PPP2R2A: variants seen among roughly 807,000 people sequenced by gnomAD.
The protein encoded by PPP2R2A is serine/threonine-protein phosphatase 2A 55 kDa regulatory subunit B alpha isoform.
Under a neutral mutation model 53.2 loss-of-function variants are expected in PPP2R2A, and 9 were observed. The ratio of observed to expected loss-of-function variants is 0.17; its 90% CI spans 0.10 to 0.30. The LOEUF is 0.30. Among genes scored for constraint, PPP2R2A ranks in the 10% least tolerant of loss-of-function variants. The pLI, the probability that PPP2R2A is intolerant of heterozygous loss-of-function variation, is 1.00. For missense variants in PPP2R2A, 235 were observed against 534.6 expected, an observed-to-expected ratio of 0.44 and a Z score of 5.53; for synonymous variants, 169 against 174.2, an observed-to-expected ratio of 0.97 and a Z score of 0.23.
At chr8:26,293,311 A>G in intron 1 of PPP2R2A, 1 of 1,507,324 alleles carries the variant, frequency 6.6e-7, no homozygotes, top group Non-Finnish European at 8.9e-7. Flanking sequence ...ACTCTTCTGC[A>G]GGCTTTTTGT....
rs1471364274 is a variant in PPP2R2A at position 26,311,891 on chromosome 8, C to CA, written c.82+18152dup. 3.9e-5 allele frequency among the ~76,000 whole-genome samples: 6 copies of CA among 152,178 alleles called. No homozygotes were observed. The East Asian group carries it at 1.2e-3, about 29-fold the overall frequency. ...CCAAAGCACCCTTCACTATTGGTGT[C>CA]AGTTTCTCATAGCAGGGAGGGATGG... On this transcript the variant is annotated intron_variant, in intron 2 of 9. Transcript: ENST00000380737.
Position 26,370,064 on chromosome 8 carries a change from C to A in PPP2R2A, c.1065-70C>A. ...GAAGTAGCTTCCTATGGTTTAATTG[C>A]CGAATCATTTTACTTGAAAACAATT... On this transcript the variant is annotated intron_variant, in intron 9 of 9. Coordinates refer to ENST00000380737, the MANE Select transcript of PPP2R2A (RefSeq NM_002717.4). The surrounding 1 kb of genome is among the most constrained non-coding windows in gnomAD (Gnocchi z 6.1). The A allele has an allele frequency of 1.3e-6, 2 of 1,497,640 alleles. No homozygotes were observed. Among genetic ancestry groups the A allele is most frequent in the South Asian group, 1.2e-5 (1 of 81,140 alleles). 92.8% of individuals were successfully genotyped at this position (1,497,640 alleles called of 1,614,324 possible).
intron 2 of PPP2R2A, among the ~76,000 whole-genome samples, chr8:26,314,757 A>G (rs1479099432): frequency 1.3e-5 from 2 of 150,526 alleles, no homozygotes; most frequent in Non-Finnish European, 3.0e-5. Flanking sequence ...CATTAATTGG[A>G]CTCGTACTCA....
chr8:26,295,749 T>G (rs998592144), intron 2 of PPP2R2A, among the ~76,000 whole-genome samples: 1 of 152,218 alleles, frequency 6.6e-6, no homozygotes, highest in African/African-American at 2.4e-5. Context: ...TAATAGGTAT[T>G]GCTGTACAAA....
intron 1 of PPP2R2A, 181 bp downstream of exon 1, chr8:26,292,007 G>T (rs1353920987): frequency 6.4e-6 from 8 of 1,241,056 alleles, no homozygotes; most frequent in Non-Finnish European, 8.4e-6. Context: ...AAGTGGTCAC[G>T]GTGAGAGTCA....
At chr8:26,323,126 T>C (rs1454454688) in intron 2 of PPP2R2A, among the ~76,000 whole-genome samples, 1 of 152,238 alleles carries the variant, frequency 6.6e-6, no homozygotes, top group African/African-American at 2.4e-5. Context: ...TGGCTTTCTT[T>C]ATCTATACTT....
intron 2 of PPP2R2A, among the ~76,000 whole-genome samples, chr8:26,311,528 G>A (rs1802290474): frequency 6.6e-6 from 1 of 152,122 alleles, no homozygotes; most frequent in South Asian, 2.1e-4. Flanking sequence ...GCTGAGCCGG[G>A]CACGGTGGTG....
intron 2 of PPP2R2A, among the ~76,000 whole-genome samples, chr8:26,308,761 G>A (rs1403163611): frequency 6.6e-6 from 1 of 152,108 alleles, no homozygotes; most frequent in Non-Finnish European, 1.5e-5. Flanking sequence ...GTTCTTAATG[G>A]CATCTAGAAT....
chr8:26,353,634 A>G (rs1307495794), intron 3 of PPP2R2A, among the ~76,000 whole-genome samples: 1 of 152,266 alleles, frequency 6.6e-6, no homozygotes, highest in Non-Finnish European at 1.5e-5. Context: ...TCAAAAGATG[A>G]AATTCTGAAC....
At chr8:26,292,531 A>T in intron 1 of PPP2R2A, 1 of 832,010 alleles carries the variant, frequency 1.2e-6, no homozygotes, top group Non-Finnish European at 1.4e-6. Context: ...GGTTTGGTAG[A>T]GTTAGTTAAA....
intron 2 of PPP2R2A, among the ~76,000 whole-genome samples, chr8:26,313,977 C>T (rs116571166): frequency 0.011 from 1,650 of 152,240 alleles, 33 homozygotes; most frequent in African/African-American, 0.036. Context: ...ATTGTACATA[C>T]GGGCTGTATA....
At chr8:26,293,119 T>G in intron 1 of PPP2R2A, 1 of 963,734 alleles carries the variant, frequency 1.0e-6, no homozygotes, top group Non-Finnish European at 1.5e-6. Flanking sequence ...TCATTTCGGT[T>G]TCTTTTCCTC....
chr8:26,354,230 TC>T lies in PPP2R2A; in HGVS notation c.181-237del, dbSNP rs1804662125. The stretch of plus-strand genomic sequence containing the variant: ...CAATCAAATTGATCCATATTTAACG[TC>T]ATTATTTCCCTAATGAATTGAGCTT... On this transcript the variant is annotated intron_variant, in intron 3 of 9. Coordinates refer to ENST00000380737, the MANE Select transcript of PPP2R2A (RefSeq NM_002717.4). This position sits in a 1 kb window ranked among gnomAD's most constrained non-coding sequence, Gnocchi z 4.6. Among the ~76,000 whole-genome samples the T allele has an allele frequency of 6.6e-6, 1 of 152,196 alleles. No homozygotes were observed.
intron 2 of PPP2R2A, among the ~76,000 whole-genome samples, chr8:26,331,174 C>T (rs1039481786): frequency 1.3e-5 from 2 of 152,180 alleles, no homozygotes; most frequent in African/African-American, 4.8e-5. Flanking sequence ...CTTCATAACT[C>T]TCACCATGCT....
Position 26,360,327 on chromosome 8 carries a change from A to G in PPP2R2A, c.459+46A>G, listed in dbSNP as rs774031775. On this transcript the variant is annotated intron_variant, in intron 5 of 9. Coordinates refer to ENST00000380737, the MANE Select transcript of PPP2R2A (RefSeq NM_002717.4). The surrounding 1 kb of genome is among the most constrained non-coding windows in gnomAD (Gnocchi z 4.5). ...TGTCACAGATAGTGCTTGTATTCAT[A>G]TTATATAGCCCAAATCCTGAGCAGA... The G allele has an allele frequency of 1.1e-5, 13 of 1,145,944 alleles. No individual in the cohort carries two copies. In the South Asian group the frequency reaches 1.6e-4, roughly 14 times the overall value. The allele number at this position is 1,145,944 out of a possible 1,614,324, so 71.0% of individuals were successfully genotyped here. A position where few individuals can be genotyped will look rare whatever the true frequency, so the allele number is the denominator to read the frequency against.
intron 3 of PPP2R2A, among the ~76,000 whole-genome samples, chr8:26,342,825 G>T (rs184950353): frequency 1.6e-3 from 244 of 152,196 alleles, no homozygotes; most frequent in Admixed American, 5.5e-3. Flanking sequence ...ACAAAAGGTG[G>T]ATAGTATTGT....
intron 1 of PPP2R2A, chr8:26,293,281 A>G: frequency 2.6e-6 from 4 of 1,533,634 alleles, no homozygotes; most frequent in Non-Finnish European, 2.6e-6. Context: ...TCTATGTTTC[A>G]TGGTAGTTTA....
At chr8:26,304,857 A>AT (rs1288437900) in intron 2 of PPP2R2A, among the ~76,000 whole-genome samples, 7 of 151,608 alleles carry the variant, frequency 4.6e-5, no homozygotes, top group East Asian at 1.9e-4. Context: ...AATGAGCATT[A>AT]TTTTTTTTTC....
chr8:26,305,471 G>A (rs1004723958), intron 2 of PPP2R2A, among the ~76,000 whole-genome samples: 3 of 152,074 alleles, frequency 2.0e-5, no homozygotes, highest in Admixed American at 6.6e-5. Flanking sequence ...AGAGATTGGT[G>A]TAGTTTTATT....
Sources: gnomAD v4.1 joint callset for allele counts (sites outside exome capture counted in the v4.1 genomes callset) on GRCh38, gnomAD v4.1.1 for gene constraint, Gnocchi (gnomAD v3.1) non-coding constraint, MANE v1.5 for transcripts, NCBI Gene and HGNC (gene_info 2026-07-23, HGNC 2026-07-21) for gene names.